The following NR5A2 variants were observed in gnomAD, a reference collection of about 807,000 sequenced individuals.
NR5A2 encodes the protein nuclear receptor subfamily 5 group A member 2.
In NR5A2, 26 loss-of-function variants were observed where a neutral mutation model predicts 62.7. The observed-to-expected ratio is 0.41, with a 90% CI of 0.30 to 0.58. The LOEUF (loss-of-function observed/expected upper bound fraction) is 0.58. Ranked by LOEUF, NR5A2 falls within the 20% of genes least tolerant of loss-of-function variation. The pLI is 0.22. For synonymous variants in NR5A2, 246 were observed against 241.7 expected (o/e 1.02, Z -0.16); for missense variants, 541 against 669.1 (o/e 0.81, Z 2.11).
At chr1:200,171,645 T>A (rs2737630) in intron 7 of NR5A2, among the ~76,000 whole-genome samples, 64,558 of 151,918 alleles carry the variant, frequency 0.42, 14,028 homozygotes, top group African/African-American at 0.52. Flanking sequence ...GCTACTCAGG[T>A]GGCTGAGGCA....
At chr1:200,042,090 C>T (rs564808564) in intron 2 of NR5A2, among the ~76,000 whole-genome samples, 1 of 152,184 alleles carries the variant, frequency 6.6e-6, no homozygotes, top group African/African-American at 2.4e-5. Flanking sequence ...GTTCCTAAAA[C>T]CCTAGTGGGG....
rs144688182 is a variant in NR5A2, at chr1:200,067,569, G to A, written c.1110+18751G>A. On this transcript the variant is annotated intron_variant, in intron 5 of 7. Coordinates refer to ENST00000367362, the MANE Select transcript of NR5A2 (RefSeq NM_205860.3). ...GAAACTCTGTCTCAAAGAAGAAGTG[G>A]GAGCTAAATGATGAGAACTCACGAA... Among the ~76,000 whole-genome samples the A allele has an allele frequency of 3.7e-3, 561 of 152,124 alleles. 6 individuals are homozygous for A. Among genetic ancestry groups the A allele is most frequent in the African/African-American group, 0.012 (515 of 41,502 alleles).
intron 5 of NR5A2, among the ~76,000 whole-genome samples, chr1:200,091,338 T>C (rs1359216637): frequency 6.6e-6 from 1 of 151,762 alleles, no homozygotes; most frequent in Non-Finnish European, 1.5e-5. Flanking sequence ...TCAATATTAA[T>C]TAGAATTTGA....
intron 5 of NR5A2, among the ~76,000 whole-genome samples, chr1:200,054,774 A>G (rs147228110): frequency 2.0e-4 from 30 of 152,202 alleles, no homozygotes; most frequent in Non-Finnish European, 1.8e-4. Context: ...TTATTTATCT[A>G]TTTTTAACAT....
In NR5A2 at chr1:200,045,341, T is replaced by C. The variant is rs1479342646; in HGVS notation, c.322-102T>C. 16 of 1,032,120 alleles carry C rather than the reference T, an allele frequency of 1.6e-5. No individual in the cohort carries two copies. In the Admixed American group the frequency reaches 4.3e-4, roughly 28 times the overall value. 63.9% of individuals were successfully genotyped at this position (1,032,120 alleles called of 1,614,324 possible). On this transcript the variant is annotated intron_variant, in intron 3 of 7. Coordinates refer to ENST00000367362, the MANE Select transcript of NR5A2 (RefSeq NM_205860.3). ...CCACAGAACCACATAAGGGCTCAAA[T>C]AGTGCAATGAGAGGATTTACTGGTG...
intron 7 of NR5A2, among the ~76,000 whole-genome samples, chr1:200,149,020 C>A (rs1041765472): frequency 6.6e-6 from 1 of 150,750 alleles, no homozygotes. Context: ...TCAAACAATT[C>A]TCCTGCCTCG....
intron 5 of NR5A2, among the ~76,000 whole-genome samples, chr1:200,057,119 T>A (rs1194408888): frequency 1.3e-5 from 2 of 152,202 alleles, no homozygotes; most frequent in Admixed American, 1.3e-4. Context: ...TATCTTTGGG[T>A]CAATTTATGA....
chr1:200,155,557 T>C (rs531027569), intron 7 of NR5A2, among the ~76,000 whole-genome samples: 15 of 152,346 alleles, frequency 9.8e-5, no homozygotes, highest in African/African-American at 2.9e-4. Context: ...CACTGCCAGG[T>C]CGACTACCAG....
At chr1:200,052,798 C>A (rs1008004318) in intron 5 of NR5A2, among the ~76,000 whole-genome samples, 5 of 149,982 alleles carry the variant, frequency 3.3e-5, no homozygotes, top group Non-Finnish European at 5.9e-5. Flanking sequence ...CCTGCCACCA[C>A]GCCGGCTAAT....
intron 7 of NR5A2, among the ~76,000 whole-genome samples, chr1:200,159,457 A>G (rs553775776): frequency 1.3e-5 from 2 of 152,284 alleles, no homozygotes; most frequent in East Asian, 3.9e-4. Flanking sequence ...ATAACGGGAC[A>G]GTAGAGACCT....
At chr1:200,082,371 G>T (rs575129824) in intron 5 of NR5A2, among the ~76,000 whole-genome samples, 1 of 152,116 alleles carries the variant, frequency 6.6e-6, no homozygotes. Flanking sequence ...AATATATTTT[G>T]TTGCTGCTGT....
Position 200,174,089 on chromosome 1 carries a change from G to A in NR5A2, c.1505G>A (p.Arg502Gln), listed in dbSNP as rs747798997. 26 of 1,613,642 alleles carry A rather than the reference G, an allele frequency of 1.6e-5. No homozygotes were observed. Among genetic ancestry groups the A allele is most frequent in the South Asian group, 2.2e-5 (2 of 91,050 alleles). ...QTEKFGQLLL[R>Q]LPEIRAISMQ... ...GAGAAATTTGGACAGCTACTTCTTC[G>A]ACTACCCGAAATCCGGGCCATCAGT... The change falls in exon 8 of 8, where the codon CGA becomes CAA. Residue 502 changes from arginine to glutamine, a missense_variant. Transcript: ENST00000367362.
At position 200,147,603 on chromosome 1, in the gene NR5A2, A is replaced by T; in HGVS notation, c.1379-26360A>T. 8 of 717,912 alleles carry T rather than the reference A, an allele frequency of 1.1e-5. No individual in the cohort carries two copies. The highest frequency in any genetic ancestry group is 1.3e-5 in the Non-Finnish European group (5 of 385,368). The allele number at this position is 717,912 out of a possible 1,614,324, so 44.5% of individuals were successfully genotyped here. A position where few individuals can be genotyped will look rare whatever the true frequency, so the allele number is the denominator to read the frequency against. ...CTACACGAACGCTAGGGCAGAGCACATTTTCGCACAGGCAGCGCCGCAGCT... is the reference window on the plus strand; with the variant it reads ...CTACACGAACGCTAGGGCAGAGCACTTTTTCGCACAGGCAGCGCCGCAGCT... On this transcript the variant is annotated intron_variant, in intron 7 of 7. Coordinates refer to ENST00000367362, the MANE Select transcript of NR5A2 (RefSeq NM_205860.3). This position sits in a 1 kb window ranked among gnomAD's most constrained non-coding sequence, Gnocchi z 4.9.
In NR5A2 at chr1:200,074,406, GA is replaced by G. The variant is rs565272182; in HGVS notation, c.1110+25598del. Among the ~76,000 whole-genome samples, 510 of 92,744 alleles carry G rather than the reference GA, an allele frequency of 5.5e-3. 4 individuals are homozygous for G. The highest frequency in any genetic ancestry group is 8.2e-3 in the Non-Finnish European group (367 of 44,664). The allele number at this position is 92,744 out of a possible 152,430, so 60.8% of individuals were successfully genotyped here. A position where few individuals can be genotyped will look rare whatever the true frequency, so the allele number is the denominator to read the frequency against. On this transcript the variant is annotated intron_variant, in intron 5 of 7. Coordinates refer to ENST00000367362, the MANE Select transcript of NR5A2 (RefSeq NM_205860.3). ...ACCCTGTCTTTAATCTAAAAGAAAA[GA>G]AAAAAAAAAGAAAAAAAAACAAGAA...
At chr1:200,092,414 T>G (rs946173433) in intron 5 of NR5A2, among the ~76,000 whole-genome samples, 1 of 151,888 alleles carries the variant, frequency 6.6e-6, no homozygotes, top group African/African-American at 2.4e-5. Context: ...TGCGGTGGAG[T>G]CTAATTTGTA....
At chr1:200,083,819 G>T (rs1664403299) in intron 5 of NR5A2, among the ~76,000 whole-genome samples, 1 of 151,906 alleles carries the variant, frequency 6.6e-6, no homozygotes, top group African/African-American at 2.4e-5. Context: ...TACAACATTA[G>T]CCGGGCATGG....
chr1:200,051,555 C>CG (rs1011995083), intron 5 of NR5A2, among the ~76,000 whole-genome samples: 50 of 152,102 alleles, frequency 3.3e-4, no homozygotes, highest in African/African-American at 4.6e-4. Flanking sequence ...AAAGTACAAA[C>CG]GTGAGGGTCG....
chr1:200,075,760 T>C (rs1369234769), intron 5 of NR5A2, among the ~76,000 whole-genome samples: 1 of 152,174 alleles, frequency 6.6e-6, no homozygotes, highest in Non-Finnish European at 1.5e-5. Context: ...CTTTTAACAC[T>C]GTGGGCTGAG....
intron 1 of NR5A2, among the ~76,000 whole-genome samples, chr1:200,030,385 T>C (rs948228064): frequency 7.9e-5 from 12 of 152,186 alleles, no homozygotes; most frequent in African/African-American, 2.9e-4. Context: ...TGTGCTTGTA[T>C]AGAAAAGCAG....
Sources: gnomAD v4.1 joint callset for allele counts (sites outside exome capture counted in the v4.1 genomes callset) on GRCh38, gnomAD v4.1.1 for gene constraint, Gnocchi (gnomAD v3.1) non-coding constraint, MANE v1.5 for transcripts, NCBI Gene and HGNC (gene_info 2026-07-23, HGNC 2026-07-21) for gene names.